The following TPST1 variants were observed in gnomAD, a reference collection of about 807,000 sequenced individuals.
The protein encoded by TPST1 is protein-tyrosine sulfotransferase 1.
A neutral mutation model predicts 34.8 loss-of-function variants in TPST1; 20 were observed. The ratio of observed to expected loss-of-function variants is 0.57; its 90% CI spans 0.40 to 0.84. TPST1 has a LOEUF of 0.84. TPST1 is among the 40% of genes least tolerant of loss of function. The pLI, the probability that TPST1 is intolerant of heterozygous loss-of-function variation, is 0.00. For synonymous variants in TPST1, 152 were observed against 159.4 expected (o/e 0.95, Z 0.35); for missense variants, 353 against 455.5 (o/e 0.78, Z 2.05).
intron 2 of TPST1, among the ~76,000 whole-genome samples, chr7:66,243,159 GTGTGTGTGTT>G (rs1255425543): frequency 2.8e-5 from 4 of 142,788 alleles, no homozygotes; most frequent in Non-Finnish European, 4.9e-5. Flanking sequence ...GTGTGTGTGT[GTGTGTGTGTT>G]TGTGTGTGTG....
At chr7:66,326,749 C>T (rs940435635) in intron 3 of TPST1, among the ~76,000 whole-genome samples, 1 of 152,236 alleles carries the variant, frequency 6.6e-6, no homozygotes, top group Non-Finnish European at 1.5e-5. Context: ...AGTTGATACA[C>T]TGAACCATTT....
chr7:66,234,746 A>G (rs1166714063), intron 1 of TPST1, among the ~76,000 whole-genome samples: 1 of 152,064 alleles, frequency 6.6e-6, no homozygotes, highest in African/African-American at 2.4e-5. Flanking sequence ...GCAGGATCTC[A>G]GCTCACTGCA....
intron 4 of TPST1, among the ~76,000 whole-genome samples, chr7:66,356,466 A>G (rs1185926591): frequency 2.6e-5 from 4 of 151,738 alleles, no homozygotes; most frequent in African/African-American, 9.7e-5. Context: ...TCTCCAGCCA[A>G]CCTCCCCTCC....
chr7:66,262,845 C>G (rs952125425), intron 2 of TPST1, among the ~76,000 whole-genome samples: 6 of 152,112 alleles, frequency 3.9e-5, no homozygotes, highest in Admixed American at 3.9e-4. Flanking sequence ...TGCCTGTAAT[C>G]CCAGCACTTT....
chr7:66,301,608 A>G (rs1352499971), intron 3 of TPST1, among the ~76,000 whole-genome samples: 1 of 152,192 alleles, frequency 6.6e-6, no homozygotes, highest in African/African-American at 2.4e-5. Flanking sequence ...TGGATTATTA[A>G]TCGGCCTTTT....
intron 3 of TPST1, among the ~76,000 whole-genome samples, chr7:66,327,533 G>C (rs538642710): frequency 6.6e-6 from 1 of 151,992 alleles, no homozygotes; most frequent in Non-Finnish European, 1.5e-5. Flanking sequence ...GACCAGGATG[G>C]GCAAAATGGC....
In TPST1 at chr7:66,298,217, A is replaced by T. The variant is rs1461741423; in HGVS notation, c.1044+11508A>T. On this transcript the variant is annotated intron_variant, in intron 3 of 5. Transcript: ENST00000304842. Reference sequence around the variant, plus strand: ...AATTTTATAGTGTTGTTACAGTCTAAATCTTATTTGATTTTTTGGTCTGCT... The same window carrying T: ...AATTTTATAGTGTTGTTACAGTCTATATCTTATTTGATTTTTTGGTCTGCT... 2.0e-5 allele frequency among the ~76,000 whole-genome samples: 3 copies of T among 152,158 alleles called. No individual in the cohort carries two copies. In the East Asian group the frequency reaches 5.8e-4, roughly 29 times the overall value.
At chr7:66,242,870 A>G (rs1392461100) in intron 2 of TPST1, among the ~76,000 whole-genome samples, 4 of 152,214 alleles carry the variant, frequency 2.6e-5, no homozygotes, top group Admixed American at 6.5e-5. Flanking sequence ...TATATTATGA[A>G]TTAATGAATT....
intron 1 of TPST1, among the ~76,000 whole-genome samples, chr7:66,226,599 A>C (rs1452681300): frequency 2.0e-5 from 3 of 152,160 alleles, no homozygotes; most frequent in Non-Finnish European, 4.4e-5. Flanking sequence ...GCCTTTGATC[A>C]TTTACTTGTA....
At chr7:66,217,348 C>T (rs1408528557) in intron 1 of TPST1, among the ~76,000 whole-genome samples, 3 of 151,880 alleles carry the variant, frequency 2.0e-5, no homozygotes, top group Admixed American at 2.0e-4. Context: ...TCAGTTTTTG[C>T]TTCATGTATT....
chr7:66,219,635 A>G (rs1789498253), intron 1 of TPST1, among the ~76,000 whole-genome samples: 1 of 152,206 alleles, frequency 6.6e-6, no homozygotes, highest in Non-Finnish European at 1.5e-5. Context: ...TCAAAAGCTG[A>G]GTATATTTTT....
intron 4 of TPST1, among the ~76,000 whole-genome samples, chr7:66,354,170 C>T (rs1033548007): frequency 2.0e-5 from 3 of 152,136 alleles, no homozygotes; most frequent in Non-Finnish European, 4.4e-5. Context: ...CCGACCACCT[C>T]GTGCAGACAA....
chr7:66,234,348 G>C, intron 1 of TPST1, among the ~76,000 whole-genome samples: 1 of 148,754 alleles, frequency 6.7e-6, no homozygotes, highest in Non-Finnish European at 1.5e-5. Context: ...TTCCTAGTTA[G>C]AAAAGCAACA....
intron 1 of TPST1, among the ~76,000 whole-genome samples, chr7:66,234,430 CAG>C (rs1491436621): frequency 0.017 from 2,528 of 147,582 alleles, 35 homozygotes; most frequent in East Asian, 0.027. Context: ...CACACACACA[CAG>C]ACACACACAC....
intron 1 of TPST1, among the ~76,000 whole-genome samples, chr7:66,231,572 G>A (rs1562805539): frequency 6.6e-6 from 1 of 152,248 alleles, no homozygotes; most frequent in Non-Finnish European, 1.5e-5. Flanking sequence ...CTCTGCAGCC[G>A]CTAGCCTGGG....
chr7:66,357,894 G>T (rs552230972), intron 5 of TPST1, among the ~76,000 whole-genome samples: 1 of 152,164 alleles, frequency 6.6e-6, no homozygotes, highest in South Asian at 2.1e-4. Context: ...GACCAGCCTG[G>T]CCAACATAGT....
chr7:66,357,685 C>T (rs1792607760), intron 5 of TPST1, among the ~76,000 whole-genome samples: 1 of 152,196 alleles, frequency 6.6e-6, no homozygotes, highest in Non-Finnish European at 1.5e-5. Flanking sequence ...ACCCTTGTCC[C>T]AGACTTTCAG....
At chr7:66,280,969 A>G (rs567633376) in intron 2 of TPST1, among the ~76,000 whole-genome samples, 5 of 152,302 alleles carry the variant, frequency 3.3e-5, no homozygotes, top group African/African-American at 7.2e-5. Flanking sequence ...TGGGTTTGTC[A>G]TAGATATCAC....
intron 3 of TPST1, among the ~76,000 whole-genome samples, chr7:66,293,318 A>G (rs1325959738): frequency 1.3e-5 from 2 of 152,074 alleles, no homozygotes. Flanking sequence ...CCTGGGCAAC[A>G]TAGTGAGACC....
Sources: allele counts gnomAD v4.1 joint callset (sites outside exome capture counted in the v4.1 genomes callset), GRCh38; gene constraint gnomAD v4.1.1; transcripts MANE v1.5; gene names NCBI Gene and HGNC (gene_info 2026-07-23, HGNC 2026-07-21).